Variants in XKR9 observed in about 807,000 individuals in gnomAD.
XKR9 encodes XK related 9.
XKR9 carries 32 observed loss-of-function variants against 32.0 expected under a neutral mutation model. That is an observed-to-expected ratio of 1.00 (90% confidence interval 0.76 to 1.34). The LOEUF (loss-of-function observed/expected upper bound fraction) is 1.34. XKR9 is among the 40% of genes most tolerant of loss of function. The probability of loss-of-function intolerance (pLI) is 0.00; values close to 1 mark genes in which losing one functional copy is unlikely to be tolerated. For missense variants in XKR9, 546 were observed against 429.7 expected, an observed-to-expected ratio of 1.27 and a Z score of -2.39; for synonymous variants, 168 against 143.4, an observed-to-expected ratio of 1.17 and a Z score of -1.22.
chr8:70,810,387 T>G, the XKR9 span, among the ~76,000 whole-genome samples: 1,251 of 151,824 alleles, frequency 8.2e-3, 18 homozygotes, highest in African/African-American at 0.028. Context: ...ATCAACTAAC[T>G]AGCAAAATAA....
At chr8:70,914,119 C>A in the XKR9 span, among the ~76,000 whole-genome samples, 1 of 152,130 alleles carries the variant, frequency 6.6e-6, no homozygotes, top group South Asian at 2.1e-4. Flanking sequence ...GACTCGAATG[C>A]AGTGGCATGA....
intron 4 of XKR9, among the ~76,000 whole-genome samples, chr8:70,727,327 GTT>G (rs34535585): frequency 0.076 from 10,834 of 143,108 alleles, 460 homozygotes; most frequent in Non-Finnish European, 0.091. Context: ...AAGAAGACAA[GTT>G]TTTTTTTTTT....
At chr8:70,903,509 A>G in the XKR9 span, among the ~76,000 whole-genome samples, 1 of 151,708 alleles carries the variant, frequency 6.6e-6, no homozygotes, top group Admixed American at 6.6e-5. Context: ...TTTATTGTGT[A>G]TATTTTATTC....
At chr8:71,037,642 G>A in the XKR9 span, among the ~76,000 whole-genome samples, 6 of 152,272 alleles carry the variant, frequency 3.9e-5, no homozygotes, top group African/African-American at 9.6e-5. Flanking sequence ...GTTTAAATAA[G>A]GTCCTTAAGA....
intron 4 of XKR9, among the ~76,000 whole-genome samples, chr8:70,711,984 G>C (rs1455628356): frequency 1.3e-5 from 2 of 152,030 alleles, no homozygotes; most frequent in Non-Finnish European, 2.9e-5. Flanking sequence ...AAACTTAAAA[G>C]TTGGAAGAAA....
intron 2 of XKR9, among the ~76,000 whole-genome samples, chr8:70,788,001 T>G (rs1807711042): frequency 6.6e-6 from 1 of 152,080 alleles, no homozygotes; most frequent in African/African-American, 2.4e-5. Flanking sequence ...TTAAGTTAAC[T>G]GAAGAAAAAA....
chr8:71,001,228 G>T, the XKR9 span, among the ~76,000 whole-genome samples: 1 of 152,120 alleles, frequency 6.6e-6, no homozygotes, highest in Non-Finnish European at 1.5e-5. Context: ...GGGATCGAAG[G>T]TCTAGCTCTG....
At chr8:70,970,206 A>G in the XKR9 span, among the ~76,000 whole-genome samples, 3 of 152,366 alleles carry the variant, frequency 2.0e-5, no homozygotes, top group African/African-American at 7.2e-5. Context: ...ATAAACATGC[A>G]TATGCAAATA....
chr8:70,858,221 C>T, the XKR9 span, among the ~76,000 whole-genome samples: 8 of 152,076 alleles, frequency 5.3e-5, no homozygotes, highest in Non-Finnish European at 1.0e-4. Flanking sequence ...AAAACCCCAT[C>T]GTCTCATCCC....
intron 2 of XKR9, among the ~76,000 whole-genome samples, chr8:70,744,820 G>T (rs919723955): frequency 7.6e-6 from 1 of 132,062 alleles, no homozygotes; most frequent in Non-Finnish European, 1.7e-5. Context: ...TGGCCAGGCT[G>T]GTCTTAAACT....
the XKR9 span, among the ~76,000 whole-genome samples, chr8:71,026,771 G>A: frequency 6.6e-6 from 1 of 152,114 alleles, no homozygotes; most frequent in Non-Finnish European, 1.5e-5. Flanking sequence ...GATAATTTGA[G>A]TATTATAAAA....
chr8:70,871,679 G>T, the XKR9 span, among the ~76,000 whole-genome samples: 2 of 152,002 alleles, frequency 1.3e-5, no homozygotes, highest in Non-Finnish European at 2.9e-5. Context: ...CCTGTTCCCT[G>T]AGACACAACA....
At chr8:70,900,702 G>T in the XKR9 span, among the ~76,000 whole-genome samples, 2 of 152,106 alleles carry the variant, frequency 1.3e-5, no homozygotes, top group Non-Finnish European at 2.9e-5. Context: ...GGGTACATGG[G>T]TGCAACGTGC....
At chr8:70,850,272 T>A in the XKR9 span, among the ~76,000 whole-genome samples, 1 of 151,686 alleles carries the variant, frequency 6.6e-6, no homozygotes. Flanking sequence ...CCATCCTTGC[T>A]AACATGGTGA....
intron 2 of XKR9, among the ~76,000 whole-genome samples, chr8:70,753,197 C>T (rs1410794907): frequency 6.6e-6 from 1 of 152,180 alleles, no homozygotes; most frequent in Non-Finnish European, 1.5e-5. Flanking sequence ...CACATACACC[C>T]TCCCAACACT....
chr8:70,825,515 T>A, the XKR9 span, among the ~76,000 whole-genome samples: 28 of 152,236 alleles, frequency 1.8e-4, no homozygotes, highest in Middle Eastern at 3.4e-3. Flanking sequence ...TCCTGACAAG[T>A]TACTGTATCT....
the XKR9 span, among the ~76,000 whole-genome samples, chr8:71,020,463 G>A: frequency 6.6e-6 from 1 of 152,182 alleles, no homozygotes; most frequent in South Asian, 2.1e-4. Context: ...TAAAGTTCAT[G>A]TACTGTGATG....
chr8:71,021,336 C>G, the XKR9 span, among the ~76,000 whole-genome samples: 1 of 151,962 alleles, frequency 6.6e-6, no homozygotes, highest in African/African-American at 2.4e-5. Context: ...TGAGAAGTAT[C>G]TGTTCATGTT....
the XKR9 span, among the ~76,000 whole-genome samples, chr8:71,035,707 G>A: frequency 6.6e-6 from 1 of 152,096 alleles, no homozygotes; most frequent in African/African-American, 2.4e-5. Flanking sequence ...TTGTTTATTA[G>A]CACTGACATG....
Sources: gnomAD v4.1 joint callset for allele counts (sites outside exome capture counted in the v4.1 genomes callset) on GRCh38, gnomAD v4.1.1 for gene constraint, MANE v1.5 for transcripts, NCBI Gene and HGNC (gene_info 2026-07-23, HGNC 2026-07-21) for gene names.